SRPRB: variants seen among roughly 807,000 people sequenced by gnomAD.
The protein encoded by SRPRB is signal recognition particle receptor subunit beta.
Under a neutral mutation model 31.9 loss-of-function variants are expected in SRPRB, and 20 were observed. The ratio of observed to expected loss-of-function variants is 0.63; its 90% CI spans 0.44 to 0.91. SRPRB has a LOEUF of 0.91. Among genes scored for constraint, SRPRB ranks in the 40% least tolerant of loss-of-function variants. SRPRB has a pLI of 0.00. For synonymous variants in SRPRB, 146 were observed against 132.8 expected (o/e 1.10, Z -0.68); for missense variants, 321 against 324.9 (o/e 0.99, Z 0.09).
intron 6 of SRPRB, among the ~76,000 whole-genome samples, chr3:133,818,083 T>A (rs1935397546): frequency 1.3e-5 from 2 of 152,254 alleles, no homozygotes; most frequent in Non-Finnish European, 2.9e-5. Context: ...TGTCCTCCTG[T>A]GCTCTTGATG....
At chr3:133,786,287 G>C (rs954324156) in intron 1 of SRPRB, 1 of 149,984 alleles carries the variant, frequency 6.7e-6, no homozygotes, top group African/African-American at 2.5e-5. Context: ...GTTCTGAAAT[G>C]CCTATGTTAA....
intron 5 of SRPRB, 25 bp from the exon 6 acceptor site, chr3:133,816,853 C>A: frequency 6.3e-7 from 1 of 1,594,130 alleles, no homozygotes; most frequent in South Asian, 1.1e-5. Context: ...GTTTAAACTA[C>A]AACAGTGTCT....
chr3:133,793,378 T>C (rs1389393176), intron 1 of SRPRB: 1 of 152,154 alleles, frequency 6.6e-6, no homozygotes, highest in Non-Finnish European at 1.5e-5. Context: ...AAATTTCAGC[T>C]TCAAAATTGT....
downstream of SRPRB, among the ~76,000 whole-genome samples, chr3:133,824,077 A>G (rs1311805136): frequency 6.6e-6 from 1 of 152,104 alleles, no homozygotes; most frequent in Non-Finnish European, 1.5e-5. Flanking sequence ...GGACAGCCCA[A>G]CTCCACCAGT....
downstream of SRPRB, chr3:133,824,348 C>T (rs1273136252): frequency 6.6e-6 from 1 of 152,204 alleles, no homozygotes; most frequent in African/African-American, 2.4e-5. Flanking sequence ...GAGCCCATAA[C>T]AGATGGAATT....
intron 1 of SRPRB, chr3:133,789,251 T>A (rs1437455312): frequency 6.6e-6 from 1 of 152,376 alleles, no homozygotes. Context: ...GATTCTGGCA[T>A]TTGCTGTTGA....
At chr3:133,827,748 C>CCA, downstream of SRPRB, 3 of 15,982 alleles carry the variant, frequency 1.9e-4, no homozygotes, top group Non-Finnish European at 3.2e-4. Flanking sequence ...CAGACAACAC[C>CCA]CCCCCCCCCC....
chr3:133,816,309 G>A (rs1457241778), intron 5 of SRPRB, among the ~76,000 whole-genome samples: 1 of 152,212 alleles, frequency 6.6e-6, no homozygotes, highest in Non-Finnish European at 1.5e-5. Flanking sequence ...TATTGATAAT[G>A]CCTTATTGGG....
downstream of SRPRB, among the ~76,000 whole-genome samples, chr3:133,822,683 G>A (rs965619417): frequency 2.6e-5 from 4 of 152,210 alleles, no homozygotes; most frequent in African/African-American, 7.2e-5. Flanking sequence ...ATTTCAGCCA[G>A]TCTATGTTTT....
In SRPRB at chr3:133,815,636, A is replaced by C; in HGVS notation, c.457A>C (p.Lys153Gln). Residue 153 changes from lysine (K) to glutamine (Q), a missense_variant, in exon 5 of 7, where the codon AAA (lysine) becomes CAA (glutamine). Physicochemically the swap from Lys to Gln is moderately conservative, Grantham distance 53. Transcript: ENST00000678299. ...VDSAAFQREV[K>Q]DVAEFLYQVL... ...TAGTGCAGCATTCCAGCGAGAGGTG[A>C]AAGATGTGGCTGAGTTTCTGTATCA... 6.2e-7 allele frequency: 1 copy of C among 1,614,020 alleles called. No homozygotes were observed. The highest frequency in any genetic ancestry group is 8.5e-7 in the Non-Finnish European group (1 of 1,180,014).
At chr3:133,799,836 G>C (rs955020634) in intron 1 of SRPRB, among the ~76,000 whole-genome samples, 1 of 152,202 alleles carries the variant, frequency 6.6e-6, no homozygotes, top group Admixed American at 6.5e-5. Context: ...GTGCCATTGG[G>C]TGGAAAAGGC....
intron 1 of SRPRB, among the ~76,000 whole-genome samples, chr3:133,799,691 T>A (rs1044301958): frequency 6.6e-6 from 1 of 152,142 alleles, no homozygotes; most frequent in East Asian, 1.9e-4. Flanking sequence ...TATTTTAAGG[T>A]CTAAGGAAAG....
At chr3:133,804,548 T>C (rs934190406), upstream of SRPRB, among the ~76,000 whole-genome samples, 4 of 152,202 alleles carry the variant, frequency 2.6e-5, no homozygotes, top group African/African-American at 9.6e-5. Flanking sequence ...CAGTACTAGG[T>C]TGGACAGGGA....
intron 4 of SRPRB, 126 bp from the exon 5 acceptor site, chr3:133,815,464 C>G: frequency 9.2e-7 from 1 of 1,083,600 alleles, no homozygotes; most frequent in Non-Finnish European, 1.4e-6. Context: ...TATGCACAGA[C>G]CTGCATGTGT....
chr3:133,805,016 C>A (rs1176674490), upstream of SRPRB, among the ~76,000 whole-genome samples: 1 of 152,132 alleles, frequency 6.6e-6, no homozygotes, highest in African/African-American at 2.4e-5. Context: ...GGAAAATTTC[C>A]TATAAAAATC....
chr3:133,815,458 C>A, intron 4 of SRPRB, 132 bp from the exon 5 acceptor site: 1 of 1,028,546 alleles, frequency 9.7e-7, no homozygotes, highest in Non-Finnish European at 1.5e-6. Flanking sequence ...ATAACATATG[C>A]ACAGACCTGC....
At chr3:133,801,807 T>C (rs1935066604), upstream of SRPRB, among the ~76,000 whole-genome samples, 1 of 152,260 alleles carries the variant, frequency 6.6e-6, no homozygotes, top group Non-Finnish European at 1.5e-5. Flanking sequence ...GCATGACCGC[T>C]GCCAGTTCTG....
At chr3:133,821,887 TTTTCTGACAGGG>T (rs1935480902), downstream of SRPRB, among the ~76,000 whole-genome samples, 1 of 152,120 alleles carries the variant, frequency 6.6e-6, no homozygotes, top group South Asian at 2.1e-4. Flanking sequence ...CCTGCTGAGT[TTTTCTGACAGGG>T]TCAAGTCAGC....
intron 1 of SRPRB, chr3:133,793,293 A>G (rs1479790851): frequency 6.6e-6 from 1 of 152,162 alleles, no homozygotes; most frequent in African/African-American, 2.4e-5. Context: ...ATGAATGACT[A>G]TGGTAACCTG....
Sources: gnomAD v4.1 joint callset for allele counts (sites outside exome capture counted in the v4.1 genomes callset) on GRCh38, gnomAD v4.1.1 for gene constraint, MANE v1.5 for transcripts, NCBI Gene and HGNC (gene_info 2026-07-23, HGNC 2026-07-21) for gene names.